The following ZNF140 variants were observed in gnomAD, a reference collection of about 807,000 sequenced individuals.
ZNF140 encodes the protein zinc finger protein 140 (clone pHZ-39).
A neutral mutation model predicts 12.9 loss-of-function variants in ZNF140; 13 were observed. The observed-to-expected ratio is 1.01, with a 90% CI of 0.66 to 1.60. The LOEUF (loss-of-function observed/expected upper bound fraction) is 1.60. ZNF140 is among the 40% of genes most tolerant of loss of function. The pLI, the probability that ZNF140 is intolerant of heterozygous loss-of-function variation, is 0.00. For missense variants in ZNF140, 531 were observed against 548.8 expected (o/e 0.97, Z 0.32); for synonymous variants, 214 against 186.7 (o/e 1.15, Z -1.19).
chr12:133,090,929 C>T (rs1040736218), intron 4 of ZNF140, among the ~76,000 whole-genome samples: 23 of 145,232 alleles, frequency 1.6e-4, no homozygotes, highest in South Asian at 4.5e-4. Flanking sequence ...AGCATTACTG[C>T]AAACATATCT....
At chr12:133,085,061 G>A (rs1211134609) in intron 4 of ZNF140, among the ~76,000 whole-genome samples, 2 of 147,864 alleles carry the variant, frequency 1.4e-5, no homozygotes, top group African/African-American at 2.5e-5. Flanking sequence ...TCTCGCTCTT[G>A]CCCCCTAGGC....
intron 4 of ZNF140, among the ~76,000 whole-genome samples, chr12:133,102,641 C>T (rs377440171): frequency 0.02 from 2,987 of 151,628 alleles, 106 homozygotes; most frequent in African/African-American, 0.067. Context: ...CCCAGCTACT[C>T]GGGAGGCTGA....
chr12:133,093,394 T>G, intron 4 of ZNF140: 1 of 697,364 alleles, frequency 1.4e-6, no homozygotes, highest in Non-Finnish European at 2.6e-6. Context: ...CTGGAGTTTG[T>G]GTTACTCTTG....
In ZNF140 at chr12:133,092,391, T is replaced by C. The variant is rs1023623750; in HGVS notation, c.232+8830T>C. Among the ~76,000 whole-genome samples the C allele has an allele frequency of 4.4e-4, 66 of 151,262 alleles. 1 individual carries two copies. The highest frequency in any genetic ancestry group is 2.7e-3 in the Admixed American group (41 of 15,222). On this transcript the variant is annotated intron_variant, in intron 4 of 4. Coordinates refer to ENST00000355557, the MANE Select transcript of ZNF140 (RefSeq NM_003440.4). ...AACAATCTACAATTTTCACAGGTTA[T>C]AGTTTGGACATCTGGTTTAATAACT...
chr12:133,106,623 A>G lies in ZNF140; in HGVS notation c.1346A>G (p.Tyr449Cys). ...TATGAATATGAAAATTCATTTAATT[A>G]CCACTCATTCCTTACTGAACACCAG... ...NPYEYENSFN[Y>C]HSFLTEHQ The change falls in exon 5 of 5, where the codon TAC becomes TGC. Residue 449 changes from tyrosine to cysteine, a missense_variant. Transcript: ENST00000355557. 1 of 1,601,744 alleles carries G rather than the reference A, an allele frequency of 6.2e-7. No individual in the cohort carries two copies. The highest frequency in any genetic ancestry group is 8.5e-7 in the Non-Finnish European group (1 of 1,176,090).
intron 4 of ZNF140, among the ~76,000 whole-genome samples, chr12:133,088,402 T>C (rs61954460): frequency 0.43 from 64,803 of 152,132 alleles, 14,151 homozygotes; most frequent in Non-Finnish European, 0.47. Flanking sequence ...TACATAGTAA[T>C]ATGCATTTTA....
In ZNF140 at chr12:133,106,367, A is replaced by G. The variant is rs201313475; in HGVS notation, c.1090A>G (p.Lys364Glu). 2 of 1,614,180 alleles carry G rather than the reference A, an allele frequency of 1.2e-6. No homozygotes were observed. The highest frequency in any genetic ancestry group is 1.7e-6 in the Non-Finnish European group (2 of 1,180,024). The change falls in exon 5 of 5, where the codon AAA (lysine) becomes GAA (glutamate). Residue 364 changes from lysine (K) to glutamate (E), a missense_variant. Transcript: ENST00000355557. ...GCTCTATGAATGTGATGAATGTGGT[A>G]AAGTTTTCACTTGGCATGCATCCCT... ...EKLYECDECG[K>E]VFTWHASLIQ...
At chr12:133,093,351 A>T in intron 4 of ZNF140, 1 of 678,274 alleles carries the variant, frequency 1.5e-6, no homozygotes, top group Non-Finnish European at 2.7e-6. Context: ...ACCACCGTTG[A>T]TACAATCATT....
At chr12:133,091,231 C>T (rs1484410544) in intron 4 of ZNF140, among the ~76,000 whole-genome samples, 1 of 150,478 alleles carries the variant, frequency 6.6e-6, no homozygotes, top group African/African-American at 2.5e-5. Flanking sequence ...GTCTCTGCGG[C>T]TTTCTGCAGT....
intron 4 of ZNF140, among the ~76,000 whole-genome samples, chr12:133,097,703 G>T (rs1340969643): frequency 6.6e-6 from 1 of 151,824 alleles, no homozygotes; most frequent in Non-Finnish European, 1.5e-5. Flanking sequence ...TCCCAGGATA[G>T]AGTGCAATGA....
intron 4 of ZNF140, among the ~76,000 whole-genome samples, chr12:133,100,159 C>CTTTTT (rs1955285690): frequency 5.5e-5 from 6 of 109,970 alleles, no homozygotes; most frequent in Middle Eastern, 4.2e-3. Context: ...ATGCCTTTTC[C>CTTTTT]GTTTTTTTTT....
chr12:133,092,238 C>T (rs11608893), intron 4 of ZNF140, among the ~76,000 whole-genome samples: 27,814 of 150,760 alleles, frequency 0.18, 3,697 homozygotes, highest in Non-Finnish European at 0.25. Flanking sequence ...TTTAATACTT[C>T]TGTTAAGATA....
At chr12:133,097,471 G>A (rs1451986436) in intron 4 of ZNF140, among the ~76,000 whole-genome samples, 3 of 151,862 alleles carry the variant, frequency 2.0e-5, no homozygotes, top group African/African-American at 2.4e-5. Flanking sequence ...ATGAAACCTC[G>A]TCTCTACTAA....
intron 4 of ZNF140, among the ~76,000 whole-genome samples, chr12:133,100,338 A>T (rs1955301662): frequency 1.3e-5 from 2 of 151,868 alleles, no homozygotes; most frequent in South Asian, 2.1e-4. Context: ...TGGCTAATTT[A>T]AAAAAATTTT....
intron 4 of ZNF140, among the ~76,000 whole-genome samples, chr12:133,089,167 C>T (rs989125139): frequency 1.3e-5 from 2 of 151,750 alleles, no homozygotes; most frequent in Admixed American, 6.6e-5. Context: ...TAGAATTTAC[C>T]AGTGAATCCT....
chr12:133,083,575 A>T lies in ZNF140; in HGVS notation c.232+14A>T, dbSNP rs1172407003. 3.1e-6 allele frequency: 5 copies of T among 1,605,334 alleles called. No individual in the cohort carries two copies. The highest frequency in any genetic ancestry group is 2.2e-5 in the East Asian group (1 of 44,844). ...ATCTGTTTTCAGGTGAGTGAGTTGGAAGCTGATGGGGAAATTTTTTAAAAC... is the reference window on the plus strand; with the variant it reads ...ATCTGTTTTCAGGTGAGTGAGTTGGTAGCTGATGGGGAAATTTTTTAAAAC... On this transcript the variant is annotated intron_variant, in intron 4 of 4. Coordinates refer to ENST00000355557, the MANE Select transcript of ZNF140 (RefSeq NM_003440.4).
intron 4 of ZNF140, among the ~76,000 whole-genome samples, chr12:133,088,895 A>G (rs1360969345): frequency 6.6e-6 from 1 of 152,226 alleles, no homozygotes; most frequent in African/African-American, 2.4e-5. Context: ...CCAGCCCTGT[A>G]TACCTGGGAT....
At chr12:133,098,819 C>T (rs1955229628) in intron 4 of ZNF140, among the ~76,000 whole-genome samples, 1 of 151,926 alleles carries the variant, frequency 6.6e-6, no homozygotes, top group African/African-American at 2.4e-5. Context: ...ATTCTCCTAT[C>T]AGCCTCCTGA....
Position 133,081,346 on chromosome 12 carries a change from T to TAA in ZNF140, c.9+19_9+20dup, listed in dbSNP as rs1323706347. 845 of 470,604 alleles carry TAA rather than the reference T, an allele frequency of 1.8e-3. 11 individuals carry two copies. The highest frequency in any genetic ancestry group is 2.1e-3 in the Non-Finnish European group (601 of 283,834). The allele number at this position is 470,604 out of a possible 1,614,324, so 29.2% of individuals were successfully genotyped here. On this transcript the variant is annotated intron_variant, in intron 2 of 4. Coordinates refer to ENST00000355557, the MANE Select transcript of ZNF140 (RefSeq NM_003440.4). ...ATGTCTCAGGTAAGCTAATGATTGA[T>TAA]AAATATATATATATATATATATATA... is the stretch of plus-strand genomic sequence containing the variant.
Sources: gnomAD v4.1 joint callset for allele counts (sites outside exome capture counted in the v4.1 genomes callset) on GRCh38, gnomAD v4.1.1 for gene constraint, MANE v1.5 for transcripts, NCBI Gene and HGNC (gene_info 2026-07-23, HGNC 2026-07-21) for gene names.